The following ZDHHC21 variants were observed in gnomAD, a reference collection of about 807,000 sequenced individuals.
ZDHHC21 encodes palmitoyltransferase ZDHHC21.
A neutral mutation model predicts 34.6 loss-of-function variants in ZDHHC21; 15 were observed. That is an observed-to-expected ratio of 0.43 (90% CI 0.29 to 0.67). The LOEUF (loss-of-function observed/expected upper bound fraction) is 0.67, where lower values mean the gene tolerates loss of function less well. Among genes scored for constraint, ZDHHC21 ranks in the 30% least tolerant of loss-of-function variants. ZDHHC21 has a pLI of 0.14. For missense variants in ZDHHC21, 344 were observed against 327.7 expected (o/e 1.05, Z -0.38); for synonymous variants, 142 against 101.8 (o/e 1.40, Z -2.38).
downstream of ZDHHC21, among the ~76,000 whole-genome samples, chr9:14,607,022 T>C (rs912825872): frequency 4.9e-5 from 7 of 142,188 alleles, 1 homozygote; most frequent in African/African-American, 1.9e-4. Flanking sequence ...ACAGAAATAC[T>C]AACAAATGGG....
chr9:14,624,323 G>A (rs567098451), intron 8 of ZDHHC21, among the ~76,000 whole-genome samples: 2 of 152,074 alleles, frequency 1.3e-5, no homozygotes, highest in African/African-American at 2.4e-5. Context: ...CCCATGGAGA[G>A]TGAGGGACAA....
the ZDHHC21 span, among the ~76,000 whole-genome samples, chr9:14,597,767 G>A: frequency 1.3e-5 from 2 of 151,970 alleles, no homozygotes; most frequent in Admixed American, 6.5e-5. Flanking sequence ...ACAGCAACAC[G>A]AGCCCTGACA....
At chr9:14,592,535 G>A in the ZDHHC21 span, among the ~76,000 whole-genome samples, 1 of 151,930 alleles carries the variant, frequency 6.6e-6, no homozygotes, top group African/African-American at 2.4e-5. Flanking sequence ...AAACCTGAAA[G>A]AATTAAAAGA....
intron 7 of ZDHHC21, 33 bp downstream of exon 7, chr9:14,658,716 C>T: frequency 6.2e-7 from 1 of 1,600,710 alleles, no homozygotes; most frequent in East Asian, 2.2e-5. Flanking sequence ...CGTGATCCGC[C>T]CGCCTCGGCC....
chr9:14,674,255 A>G lies in ZDHHC21; in HGVS notation c.86T>C (p.Val29Ala). 6.3e-7 allele frequency: 1 copy of G among 1,596,762 alleles called. No homozygotes were observed. The highest frequency in any genetic ancestry group is 8.5e-7 in the Non-Finnish European group (1 of 1,173,420). The change falls in exon 4 of 10, where the codon GTT becomes GCT. Residue 29 changes from valine to alanine, a missense_variant. Transcript: ENST00000380916. ...AAAGAGGACAATTTTGGGAATTAAA[A>G]CAATATTGTATAACCAAACAAAGAC... ...LIVFVWLYNIVLIPKIVLFPH... is the reference protein window; with the variant it reads ...LIVFVWLYNIALIPKIVLFPH...
chr9:14,656,295 A>G (rs1051634875), intron 7 of ZDHHC21, among the ~76,000 whole-genome samples: 5 of 151,916 alleles, frequency 3.3e-5, no homozygotes, highest in Non-Finnish European at 7.4e-5. Context: ...GCTTTACTCT[A>G]TTAAACTTAA....
chr9:14,645,174 G>C (rs1040012799), intron 7 of ZDHHC21, among the ~76,000 whole-genome samples: 7 of 151,900 alleles, frequency 4.6e-5, no homozygotes, highest in Admixed American at 2.6e-4. Context: ...TTAAAAAAAG[G>C]TTAAAAACTA....
At chr9:14,686,840 G>C (rs901449108) in intron 2 of ZDHHC21, among the ~76,000 whole-genome samples, 1 of 150,290 alleles carries the variant, frequency 6.7e-6, no homozygotes, top group African/African-American at 2.5e-5. Flanking sequence ...GGGCGTGGTG[G>C]TGTGTGCCTG....
downstream of ZDHHC21, among the ~76,000 whole-genome samples, chr9:14,610,080 A>C (rs983350130): frequency 3.9e-5 from 6 of 152,060 alleles, no homozygotes; most frequent in African/African-American, 1.4e-4. Context: ...TGTTTAAATG[A>C]ATTAGCAACT....
chr9:14,645,257 G>A (rs1177587729), intron 7 of ZDHHC21, among the ~76,000 whole-genome samples: 1 of 151,986 alleles, frequency 6.6e-6, no homozygotes, highest in Non-Finnish European at 1.5e-5. Flanking sequence ...TCCACAAGGA[G>A]AGACAAATAG....
At position 14,615,741 on chromosome 9, in the gene ZDHHC21, A is replaced by G. The variant is rs563881762; in HGVS notation, c.*3225T>C. On this transcript the variant is annotated 3_prime_UTR_variant, in exon 10 of 10. Coordinates refer to ENST00000380916, the MANE Select transcript of ZDHHC21 (RefSeq NM_178566.6). ...GCAGAAAACAACAATGACAAATATGATTGTTAAGGAGGTGTAACTTACAGT... is the reference window on the plus strand; with the variant it reads ...GCAGAAAACAACAATGACAAATATGGTTGTTAAGGAGGTGTAACTTACAGT... 1 of 151,760 alleles carries G rather than the reference A, an allele frequency of 6.6e-6. No individual in the cohort carries two copies. Among genetic ancestry groups the G allele is most frequent in the South Asian group, 2.1e-4 (1 of 4,822 alleles). The allele number at this position is 151,760 out of a possible 1,614,324, so 9.4% of individuals were successfully genotyped here.
intron 8 of ZDHHC21, among the ~76,000 whole-genome samples, chr9:14,639,313 C>A (rs1476476397): frequency 6.6e-6 from 1 of 151,984 alleles, no homozygotes; most frequent in Non-Finnish European, 1.5e-5. Context: ...AAAAGCTGAT[C>A]TCATGGAGGT....
At position 14,612,575 on chromosome 9, in the gene ZDHHC21, G is replaced by A. The variant is rs1333103714; in HGVS notation, c.*6391C>T. The A allele has an allele frequency of 6.6e-6, 1 of 151,770 alleles. No homozygotes were observed. The highest frequency in any genetic ancestry group is 1.5e-5 in the Non-Finnish European group (1 of 67,872). The allele number at this position is 151,770 out of a possible 1,614,324, so 9.4% of individuals were successfully genotyped here. A position where few individuals can be genotyped will look rare whatever the true frequency, so the allele number is the denominator to read the frequency against. ...ATTAGTTTTAAAAATCTTACTCTAT[G>A]TAAAGTGAGTAACCATATCCAGACT... On this transcript the variant is annotated 3_prime_UTR_variant, in exon 10 of 10. Transcript: ENST00000380916.
At chr9:14,635,213 T>A (rs1475715623) in intron 8 of ZDHHC21, among the ~76,000 whole-genome samples, 1 of 152,114 alleles carries the variant, frequency 6.6e-6, no homozygotes, top group East Asian at 1.9e-4. Flanking sequence ...ATACTTTAAT[T>A]TGTAATGTCC....
chr9:14,663,793 A>C (rs1458003340), intron 5 of ZDHHC21, among the ~76,000 whole-genome samples: 3 of 152,138 alleles, frequency 2.0e-5, no homozygotes, highest in African/African-American at 7.2e-5. Flanking sequence ...TTCATCTCTT[A>C]CAGTTATTTT....
At chr9:14,690,518 G>A in intron 1 of ZDHHC21, 133 bp from the exon 2 acceptor site, 1 of 373,352 alleles carries the variant, frequency 2.7e-6, no homozygotes, top group Non-Finnish European at 5.2e-6. Context: ...CCCTTTTGTA[G>A]AAGGGGCAAC....
intron 5 of ZDHHC21, among the ~76,000 whole-genome samples, chr9:14,663,409 A>G (rs551312794): frequency 6.6e-6 from 1 of 152,198 alleles, no homozygotes; most frequent in Non-Finnish European, 1.5e-5. Context: ...TGAAAAGTCT[A>G]AAATCAAAAA....
At chr9:14,640,218 G>A (rs1829081063) in intron 7 of ZDHHC21, among the ~76,000 whole-genome samples, 1 of 148,018 alleles carries the variant, frequency 6.8e-6, no homozygotes, top group Non-Finnish European at 1.5e-5. Flanking sequence ...TAGCAAGCTG[G>A]AAAATACAGG....
At chr9:14,629,356 C>G (rs1826898102) in intron 8 of ZDHHC21, among the ~76,000 whole-genome samples, 1 of 152,090 alleles carries the variant, frequency 6.6e-6, no homozygotes. Flanking sequence ...AAAACCCTTG[C>G]AATTTGAGAA....
Sources: allele counts gnomAD v4.1 joint callset (sites outside exome capture counted in the v4.1 genomes callset), GRCh38; gene constraint gnomAD v4.1.1; transcripts MANE v1.5; gene names NCBI Gene and HGNC (gene_info 2026-07-23, HGNC 2026-07-21).